TNS1: variants seen among roughly 807,000 people sequenced by gnomAD.
TNS1 encodes tensin-1.
In TNS1, 62 loss-of-function variants were observed where a neutral mutation model predicts 168.6. That is an observed-to-expected ratio of 0.37 (90% CI 0.30 to 0.45). The LOEUF (loss-of-function observed/expected upper bound fraction) is 0.45, where lower values mean the gene tolerates loss of function less well. TNS1 is among the 20% of genes least tolerant of loss of function. The pLI is 1.00. For synonymous variants in TNS1, 934 were observed against 933.2 expected (o/e 1.00, Z -0.02); for missense variants, 2,240 against 2,339.4 (o/e 0.96, Z 0.88).
At chr2:217,989,462 G>A (rs952633986) in intron 2 of TNS1, among the ~76,000 whole-genome samples, 2 of 152,152 alleles carry the variant, frequency 1.3e-5, no homozygotes, top group Admixed American at 1.3e-4. Context: ...GGGAGGCCCT[G>A]CAATTGGTGG....
intron 18 of TNS1, among the ~76,000 whole-genome samples, chr2:217,876,967 T>C (rs1264755585): frequency 6.6e-6 from 1 of 152,148 alleles, no homozygotes; most frequent in Non-Finnish European, 1.5e-5. Flanking sequence ...TTAATAATAC[T>C]TCAGGCATGG....
intron 1 of TNS1, among the ~76,000 whole-genome samples, chr2:218,026,658 C>T (rs1234227163): frequency 2.6e-5 from 4 of 152,246 alleles, no homozygotes; most frequent in Admixed American, 1.3e-4. Context: ...CGTATCCCTA[C>T]CTCCCTCCAG....
At chr2:217,953,637 G>C (rs1957293255) in intron 3 of TNS1, among the ~76,000 whole-genome samples, 1 of 152,072 alleles carries the variant, frequency 6.6e-6, no homozygotes, top group South Asian at 2.1e-4. Flanking sequence ...CCACCTCACT[G>C]AGCCCAGGTG....
At chr2:217,849,135 C>T (rs774307085) in intron 18 of TNS1, 48 bp from the exon 19 acceptor site, 64 of 1,566,834 alleles carry the variant, frequency 4.1e-5, no homozygotes, top group Non-Finnish European at 4.8e-5. Context: ...CAGACATTAG[C>T]GGGAGGCAGG....
chr2:217,981,795 C>T (rs151135485), intron 2 of TNS1, among the ~76,000 whole-genome samples: 3 of 152,320 alleles, frequency 2.0e-5, no homozygotes, highest in African/African-American at 2.4e-5. Flanking sequence ...TCCTCTCTAA[C>T]GTGCATCCGT....
At chr2:217,893,417 C>CACAT (rs1951955276) in intron 10 of TNS1, 22 bp downstream of exon 10, 1 of 1,587,466 alleles carries the variant, frequency 6.3e-7, no homozygotes, top group African/African-American at 1.3e-5. Flanking sequence ...CACACACACA[C>CACAT]ACACACACAC....
intron 3 of TNS1, among the ~76,000 whole-genome samples, chr2:217,955,947 C>T (rs1009554752): frequency 2.0e-5 from 3 of 152,116 alleles, no homozygotes; most frequent in Non-Finnish European, 4.4e-5. Context: ...AAATGTCAGG[C>T]ATCTGGGGGT....
chr2:217,852,010 T>C (rs1047187683), intron 18 of TNS1, among the ~76,000 whole-genome samples: 3 of 152,106 alleles, frequency 2.0e-5, no homozygotes, highest in Non-Finnish European at 2.9e-5. Context: ...CCAGGCGTGG[T>C]AGCACATGCC....
At chr2:218,004,934 A>G (rs546030398), upstream of TNS1, among the ~76,000 whole-genome samples, 16 of 152,348 alleles carry the variant, frequency 1.1e-4, no homozygotes, top group African/African-American at 3.8e-4. Context: ...GGGGATGTCC[A>G]TAGACAGAAA....
chr2:217,830,466 A>G, intron 22 of TNS1: 1 of 1,559,132 alleles, frequency 6.4e-7, no homozygotes. Flanking sequence ...CAGCTTTCTG[A>G]GTTCAGTGGC....
intron 25 of TNS1, 47 bp downstream of exon 25, chr2:217,814,865 C>A (rs1941625984): frequency 6.5e-7 from 1 of 1,534,606 alleles, no homozygotes. Context: ...ACACAGCAGG[C>A]CTCAGCCAGC....
chr2:217,979,643 AC>A (rs935165454), intron 2 of TNS1, among the ~76,000 whole-genome samples: 8 of 150,980 alleles, frequency 5.3e-5, no homozygotes, highest in Admixed American at 1.3e-4. Flanking sequence ...CTGCCGCCCC[AC>A]CCCCCAGGGC....
At chr2:217,890,819 C>T in intron 12 of TNS1, 143 bp downstream of exon 12, 1 of 817,064 alleles carries the variant, frequency 1.2e-6, no homozygotes, top group South Asian at 1.7e-5. Flanking sequence ...GCTCACACCA[C>T]TGCAGGCTGG....
chr2:217,886,226 G>A (rs1383871675), intron 13 of TNS1, 122 bp from the exon 14 acceptor site: 1 of 1,047,006 alleles, frequency 9.6e-7, no homozygotes, highest in Non-Finnish European at 1.4e-6. Flanking sequence ...GGGGTAGGAA[G>A]GGGAAGGAGG....
chr2:217,967,340 A>G (rs1197537144), intron 3 of TNS1, among the ~76,000 whole-genome samples: 2 of 152,030 alleles, frequency 1.3e-5, no homozygotes, highest in Non-Finnish European at 2.9e-5. Context: ...TAAATAAATA[A>G]ATAAAAATAA....
intron 22 of TNS1, among the ~76,000 whole-genome samples, chr2:217,828,546 G>T (rs747367223): frequency 1.3e-5 from 2 of 152,198 alleles, no homozygotes; most frequent in Non-Finnish European, 2.9e-5. Flanking sequence ...CCAGTGCCCA[G>T]AACCACACCC....
At chr2:218,024,309 C>A (rs1051489985) in intron 1 of TNS1, among the ~76,000 whole-genome samples, 6 of 151,578 alleles carry the variant, frequency 4.0e-5, no homozygotes, top group Non-Finnish European at 8.8e-5. Flanking sequence ...CCCACCCCCC[C>A]ATCCCCCCAC....
At chr2:217,820,112 G>T (rs1401792781) in intron 23 of TNS1, among the ~76,000 whole-genome samples, 1 of 152,190 alleles carries the variant, frequency 6.6e-6, no homozygotes. Context: ...ACTGGATTCT[G>T]AGGAGTGGGA....
At chr2:217,922,107 A>G (rs1313623427) in intron 3 of TNS1, among the ~76,000 whole-genome samples, 1 of 152,206 alleles carries the variant, frequency 6.6e-6, no homozygotes, top group Non-Finnish European at 1.5e-5. Flanking sequence ...TTGTTTTAGA[A>G]GAGGCCTCTG....
Sources: allele counts gnomAD v4.1 joint callset (sites outside exome capture counted in the v4.1 genomes callset), GRCh38; gene constraint gnomAD v4.1.1; transcripts MANE v1.5; gene names NCBI Gene and HGNC (gene_info 2026-07-23, HGNC 2026-07-21).